GRIK5: variants seen among roughly 807,000 people sequenced by gnomAD.
GRIK5 encodes glutamate receptor ionotropic, kainate 5.
In GRIK5, 43 loss-of-function variants were observed where a neutral mutation model predicts 97.4. That is an observed-to-expected ratio of 0.44 (90% CI 0.35 to 0.57). GRIK5 has a LOEUF of 0.57. GRIK5 is among the 20% of genes least tolerant of loss of function. The pLI, the probability that GRIK5 is intolerant of heterozygous loss-of-function variation, is 0.01. For synonymous variants in GRIK5, 580 were observed against 583.5 expected (o/e 0.99, Z 0.09); for missense variants, 1,015 against 1,382.0 (o/e 0.73, Z 4.21).
intron 6 of GRIK5, among the ~76,000 whole-genome samples, chr19:42,057,650 G>A (rs528461084): frequency 6.6e-6 from 1 of 152,246 alleles, no homozygotes; most frequent in East Asian, 1.9e-4. Context: ...ATAGGTGTGA[G>A]CCACCAGGCC....
chr19:42,026,719 C>G (rs1473587659), intron 12 of GRIK5, among the ~76,000 whole-genome samples: 1 of 151,866 alleles, frequency 6.6e-6, no homozygotes, highest in African/African-American at 2.4e-5. Context: ...CAGGTGAATG[C>G]CACCATGCCC....
At chr19:42,035,316 T>C (rs1199967279) in intron 12 of GRIK5, among the ~76,000 whole-genome samples, 2 of 152,122 alleles carry the variant, frequency 1.3e-5, no homozygotes, top group South Asian at 2.1e-4. Context: ...GGCAGATCTA[T>C]GTGTACTAAC....
chr19:42,036,975 C>T (rs965485508), intron 12 of GRIK5, among the ~76,000 whole-genome samples: 3 of 152,196 alleles, frequency 2.0e-5, no homozygotes, highest in African/African-American at 7.2e-5. Flanking sequence ...AGGGGGCAGC[C>T]ACCTGCCTGC....
In GRIK5 at chr19:42,062,594, C is replaced by T. The variant is rs376776318; in HGVS notation, c.402G>A (p.Ala134=). Residue 134 remains alanine, a synonymous_variant, in exon 5 of 20, where the codon GCG becomes GCA. Coordinates refer to ENST00000593562, the MANE Select transcript of GRIK5 (RefSeq NM_002088.5). This position sits in a 1 kb window ranked among gnomAD's most constrained non-coding sequence, Gnocchi z 5.3. The part of the protein sequence containing the change: ...ETPRLQYLRF[A]SVSLYPSNED... ...CGTTACTGGGGTACAGGCTGACAGA[C>T]GCGAAGCGAAGGTACTGAAGGCGGG... 104 of 1,614,066 alleles carry T rather than the reference C, an allele frequency of 6.4e-5. No individual in the cohort carries two copies. The highest frequency in any genetic ancestry group is 8.5e-5 in the Non-Finnish European group (100 of 1,180,034).
intron 12 of GRIK5, among the ~76,000 whole-genome samples, chr19:42,037,437 C>T (rs948389397): frequency 3.3e-5 from 5 of 152,102 alleles, no homozygotes; most frequent in East Asian, 3.8e-4. Context: ...CCAGCCTGGG[C>T]GACAGAGTGA....
At position 42,006,446 on chromosome 19, in the gene GRIK5, C is replaced by A. The variant is rs1191078622; in HGVS notation, c.2037+199G>T. Among the ~76,000 whole-genome samples, 1 of 152,172 alleles carries A rather than the reference C, an allele frequency of 6.6e-6. No homozygotes were observed. The highest frequency in any genetic ancestry group is 1.5e-5 in the Non-Finnish European group (1 of 68,026). ...TTGACATTTGATACCACATATGCCT[C>A]CCTGCCCTCATTCCCCAGTTCCCTA... On this transcript the variant is annotated intron_variant, in intron 16 of 19. Coordinates refer to ENST00000593562, the MANE Select transcript of GRIK5 (RefSeq NM_002088.5). This position sits in a 1 kb window ranked among gnomAD's most constrained non-coding sequence, Gnocchi z 5.3.
chr19:42,045,012 T>C (rs74986551), intron 11 of GRIK5, among the ~76,000 whole-genome samples: 126 of 152,366 alleles, frequency 8.3e-4, no homozygotes, highest in African/African-American at 2.9e-3. Context: ...TCGATGACAT[T>C]ATTTTAATTC....
chr19:42,067,824 A>T (rs2076358895), intron 1 of GRIK5, among the ~76,000 whole-genome samples: 1 of 152,154 alleles, frequency 6.6e-6, no homozygotes, highest in African/African-American at 2.4e-5. Context: ...AGCAAAGGAG[A>T]CAGAGACAGG....
Position 42,065,268 on chromosome 19 carries a change from T to C in GRIK5, c.199A>G (p.Ile67Val). ...TGGCTGTCCCGCTGCAGCTCAAAGA[T>C]GTCTACTTCCACTCGGGCCTTGGCT... ...VPAKARVEVD[I>V]FELQRDSQYE... The change falls in exon 3 of 20, where the codon ATC (isoleucine) becomes GTC (valine). Residue 67 changes from isoleucine to valine, a missense_variant. Physicochemically the swap from Ile to Val is conservative, Grantham distance 29. Coordinates refer to ENST00000593562, the MANE Select transcript of GRIK5 (RefSeq NM_002088.5). This position sits in a 1 kb window ranked among gnomAD's most constrained non-coding sequence, Gnocchi z 5.8. The C allele has an allele frequency of 1.2e-6, 2 of 1,613,372 alleles. No homozygotes were observed. Among genetic ancestry groups the C allele is most frequent in the Non-Finnish European group, 1.7e-6 (2 of 1,179,880 alleles).
intron 12 of GRIK5, among the ~76,000 whole-genome samples, chr19:42,027,245 G>C (rs889170341): frequency 1.4e-4 from 22 of 152,230 alleles, no homozygotes; most frequent in Admixed American, 1.3e-4. Flanking sequence ...CAGCAAGAGA[G>C]AGACTCGAGG....
chr19:42,033,267 G>A (rs1257328993), intron 12 of GRIK5, among the ~76,000 whole-genome samples: 2 of 143,110 alleles, frequency 1.4e-5, no homozygotes, highest in Non-Finnish European at 3.0e-5. Flanking sequence ...GCAGTGAACC[G>A]AGATCATGCC....
rs750778626 is a variant in GRIK5 at position 42,042,637 on chromosome 19, C to T, written c.1388G>A (p.Arg463His). The change falls in exon 12 of 20, where the codon CGC becomes CAC. Residue 463 changes from arginine to histidine, a missense_variant. This residue lies in a region of GRIK5 where 477 missense variants were observed against 701.1 expected (regional missense o/e 0.68). Transcript: ENST00000593562. The surrounding 1 kb of genome is among the most constrained non-coding windows in gnomAD (Gnocchi z 6.9). ...ELAELLRFRY[R>H]LRLVEDGLYG... ...CAGCCCATCCTCCACCAACCGCAGG[C>T]GGTAGCGGAAGCGCAGCAGCTCGGC... 8.7e-6 allele frequency: 14 copies of T among 1,613,330 alleles called. No individual in the cohort carries two copies. Among genetic ancestry groups the T allele is most frequent in the Middle Eastern group, 1.6e-4 (1 of 6,062 alleles).
At chr19:42,067,187 C>A (rs947084340) in intron 1 of GRIK5, among the ~76,000 whole-genome samples, 1 of 152,164 alleles carries the variant, frequency 6.6e-6, no homozygotes, top group Non-Finnish European at 1.5e-5. Flanking sequence ...GCCTGGACAC[C>A]GGACCCCACT....
intron 12 of GRIK5, among the ~76,000 whole-genome samples, chr19:42,029,205 C>A (rs1490737004): frequency 6.6e-6 from 1 of 152,002 alleles, no homozygotes; most frequent in Non-Finnish European, 1.5e-5. Context: ...GTAGCTGGAA[C>A]TACAGGCGTG....
chr19:42,005,060 G>A (rs1275905205), intron 17 of GRIK5, among the ~76,000 whole-genome samples: 4 of 152,004 alleles, frequency 2.6e-5, no homozygotes, highest in Non-Finnish European at 5.9e-5. Context: ...ACTAATACAG[G>A]TGTCATCAGT....
At chr19:42,030,237 A>C (rs2075825489) in intron 12 of GRIK5, among the ~76,000 whole-genome samples, 1 of 152,132 alleles carries the variant, frequency 6.6e-6, no homozygotes. Flanking sequence ...GCTGGAGTGC[A>C]GTGGCACGAT....
intron 15 of GRIK5, among the ~76,000 whole-genome samples, chr19:42,008,964 T>G (rs2075526437): frequency 6.6e-6 from 1 of 152,076 alleles, no homozygotes; most frequent in African/African-American, 2.4e-5. Flanking sequence ...CAGTAGCTCA[T>G]GCCTGTAATC....
chr19:42,067,931 C>A (rs1315305635), intron 1 of GRIK5, among the ~76,000 whole-genome samples: 1 of 152,084 alleles, frequency 6.6e-6, no homozygotes, highest in Non-Finnish European at 1.5e-5. Context: ...CAACAGTGGG[C>A]ATAGGAGAGA....
rs932570557 is a variant in GRIK5 at position 42,003,695 on chromosome 19, C to T, written c.2264-12G>A. The T allele has an allele frequency of 1.2e-6, 2 of 1,602,318 alleles. No individual in the cohort carries two copies. Among genetic ancestry groups the T allele is most frequent in the African/African-American group, 1.3e-5 (1 of 74,812 alleles). On this transcript the variant is annotated splice_polypyrimidine_tract_variant and intron_variant, in intron 17 of 19. Transcript: ENST00000593562. This position sits in a 1 kb window ranked among gnomAD's most constrained non-coding sequence, Gnocchi z 4.2. ...CCGGAACGGGGAGCCTGGGCAGGCA[C>T]ACGAGGGGCTGGACCAGCCATCGGG...
Sources: allele counts gnomAD v4.1 joint callset (sites outside exome capture counted in the v4.1 genomes callset), GRCh38; gene constraint gnomAD v4.1.1; regional missense constraint gnomAD v4.1.1; non-coding constraint Gnocchi (gnomAD v3.1); transcripts MANE v1.5; gene names NCBI Gene and HGNC (gene_info 2026-07-23, HGNC 2026-07-21).